Variants in ADAMTS12 observed in about 807,000 individuals in gnomAD.
ADAMTS12 encodes A disintegrin and metalloproteinase with thrombospondin motifs 12.
A neutral mutation model predicts 167.8 loss-of-function variants in ADAMTS12; 118 were observed. The observed-to-expected ratio is 0.70, with a 90% CI of 0.61 to 0.82. The LOEUF is 0.82. Among genes scored for constraint, ADAMTS12 ranks in the 40% least tolerant of loss-of-function variants. The pLI, the probability that ADAMTS12 is intolerant of heterozygous loss-of-function variation, is 0.00. For missense variants in ADAMTS12, 1,916 were observed against 1,998.8 expected (o/e 0.96, Z 0.79); for synonymous variants, 704 against 716.9 (o/e 0.98, Z 0.29).
intron 2 of ADAMTS12, among the ~76,000 whole-genome samples, chr5:33,780,019 T>C (rs908966577): frequency 1.3e-5 from 2 of 152,214 alleles, no homozygotes; most frequent in Non-Finnish European, 2.9e-5. Flanking sequence ...TGTGAGATGA[T>C]GGATATGTGA....
intron 20 of ADAMTS12, among the ~76,000 whole-genome samples, chr5:33,549,605 CT>C (rs1368413102): frequency 2.0e-5 from 3 of 152,234 alleles, no homozygotes; most frequent in Non-Finnish European, 4.4e-5. Context: ...ACTCGCTAGT[CT>C]TGAGCCCTTG....
chr5:33,793,795 C>T (rs1227817197), intron 2 of ADAMTS12, among the ~76,000 whole-genome samples: 1 of 152,114 alleles, frequency 6.6e-6, no homozygotes, highest in Non-Finnish European at 1.5e-5. Flanking sequence ...AGTCTGTTCC[C>T]AGGCGAAGGG....
At chr5:33,702,952 G>A (rs1178559037) in intron 3 of ADAMTS12, among the ~76,000 whole-genome samples, 2 of 152,026 alleles carry the variant, frequency 1.3e-5, no homozygotes, top group African/African-American at 4.8e-5. Context: ...CAAAACCATG[G>A]GTCTCACTGG....
chr5:33,875,456 T>G (rs1750195646), intron 2 of ADAMTS12, among the ~76,000 whole-genome samples: 1 of 152,214 alleles, frequency 6.6e-6, no homozygotes, highest in Admixed American at 6.5e-5. Flanking sequence ...TCTCTTTACT[T>G]TCCTCTCAGT....
intron 2 of ADAMTS12, among the ~76,000 whole-genome samples, chr5:33,844,457 C>A (rs116074720): frequency 0.36 from 54,721 of 152,026 alleles, 13,518 homozygotes; most frequent in Non-Finnish European, 0.55. Flanking sequence ...GTATGGCCAT[C>A]TTCTATGGTG....
intron 3 of ADAMTS12, among the ~76,000 whole-genome samples, chr5:33,726,396 G>C (rs1743983299): frequency 6.6e-6 from 1 of 152,060 alleles, no homozygotes; most frequent in Non-Finnish European, 1.5e-5. Context: ...CCACCAAATT[G>C]TCTTTATTAT....
chr5:33,703,674 T>C (rs958203775), intron 3 of ADAMTS12, among the ~76,000 whole-genome samples: 2 of 152,214 alleles, frequency 1.3e-5, no homozygotes, highest in African/African-American at 4.8e-5. Flanking sequence ...TGGCTTATTT[T>C]ACTTGACCTA....
intron 3 of ADAMTS12, among the ~76,000 whole-genome samples, chr5:33,700,009 T>C (rs1303919343): frequency 6.6e-6 from 1 of 152,166 alleles, no homozygotes; most frequent in African/African-American, 2.4e-5. Context: ...GCTATATATC[T>C]ATCAGAATGG....
At chr5:33,796,419 C>T (rs1746779259) in intron 2 of ADAMTS12, among the ~76,000 whole-genome samples, 1 of 152,220 alleles carries the variant, frequency 6.6e-6, no homozygotes, top group Admixed American at 6.5e-5. Context: ...ATTTCCTACA[C>T]ATTTATTTCT....
chr5:33,771,772 G>A (rs1465269719), intron 2 of ADAMTS12, among the ~76,000 whole-genome samples: 1 of 151,506 alleles, frequency 6.6e-6, no homozygotes, highest in Non-Finnish European at 1.5e-5. Context: ...ATAACACTGT[G>A]TAGTAAAGTT....
chr5:33,638,392 TC>T (rs1410635841), intron 11 of ADAMTS12, among the ~76,000 whole-genome samples: 2 of 152,192 alleles, frequency 1.3e-5, no homozygotes, highest in Admixed American at 1.3e-4. Context: ...TTCAAAGCTC[TC>T]ACAATCCTGC....
chr5:33,858,155 A>T (rs909417325), intron 2 of ADAMTS12, among the ~76,000 whole-genome samples: 2 of 152,274 alleles, frequency 1.3e-5, no homozygotes, highest in African/African-American at 4.8e-5. Context: ...TGAAATTAAA[A>T]TGGAATTCAA....
chr5:33,582,734 G>C (rs1284044466), intron 18 of ADAMTS12, among the ~76,000 whole-genome samples: 1 of 152,190 alleles, frequency 6.6e-6, no homozygotes, highest in Non-Finnish European at 1.5e-5. Flanking sequence ...TCTGCTTTTA[G>C]AGCCTCCACC....
At chr5:33,860,616 C>T (rs1390290634) in intron 2 of ADAMTS12, among the ~76,000 whole-genome samples, 2 of 152,132 alleles carry the variant, frequency 1.3e-5, no homozygotes, top group Admixed American at 6.5e-5. Flanking sequence ...GAGAATATCC[C>T]CAGCCTAGCA....
rs1299800198 is a variant in ADAMTS12 at position 33,624,289 on chromosome 5, C to T, written c.2085G>A (p.Leu695=). 1 of 1,614,134 alleles carries T rather than the reference C, an allele frequency of 6.2e-7. No homozygotes were observed. The highest frequency in any genetic ancestry group is 8.5e-7 in the Non-Finnish European group (1 of 1,179,982). Residue 695 remains leucine, a synonymous_variant, in exon 14 of 24, where the codon CTG becomes CTA. Coordinates refer to ENST00000504830, the MANE Select transcript of ADAMTS12 (RefSeq NM_030955.4). ...NATEDRCGVC[L]GDGSSCQTVR... ...CAGTCTGGCAGGAAGAGCCATCTCC[C>T]AGGCACACACCGCAGCGATCCTCGG...
chr5:33,853,166 A>G (rs1008695138), intron 2 of ADAMTS12, among the ~76,000 whole-genome samples: 6 of 152,200 alleles, frequency 3.9e-5, no homozygotes, highest in African/African-American at 1.4e-4. Context: ...AAAACTCCAC[A>G]CTAACAATCT....
intron 6 of ADAMTS12, among the ~76,000 whole-genome samples, 194 bp downstream of exon 6, chr5:33,661,722 G>T (rs953396755): frequency 6.6e-6 from 1 of 152,204 alleles, no homozygotes; most frequent in Admixed American, 6.5e-5. Context: ...GGAGAGCTTT[G>T]TCGTATTAGC....
intron 3 of ADAMTS12, among the ~76,000 whole-genome samples, chr5:33,730,333 T>TC (rs1382702464): frequency 1.3e-5 from 2 of 150,528 alleles, no homozygotes; most frequent in Admixed American, 6.6e-5. Context: ...TGTGTGTGTG[T>TC]TTCTGTGTGT....
chr5:33,679,465 C>T (rs944824341), intron 5 of ADAMTS12, among the ~76,000 whole-genome samples: 6 of 152,122 alleles, frequency 3.9e-5, no homozygotes, highest in Non-Finnish European at 7.4e-5. Context: ...GGAGAAGTGC[C>T]AAGCAGAGGG....
Sources: allele counts gnomAD v4.1 joint callset (sites outside exome capture counted in the v4.1 genomes callset), GRCh38; gene constraint gnomAD v4.1.1; transcripts MANE v1.5; gene names NCBI Gene and HGNC (gene_info 2026-07-23, HGNC 2026-07-21).